Variants in TMEM132E observed in about 807,000 individuals in gnomAD.
TMEM132E encodes the protein transmembrane protein 132E.
TMEM132E carries 49 observed loss-of-function variants against 78.5 expected under a neutral mutation model. The observed-to-expected ratio is 0.62, with a 90% CI of 0.50 to 0.79. The LOEUF is 0.79. Among genes scored for constraint, TMEM132E ranks in the 30% least tolerant of loss-of-function variants. The pLI is 0.00. For synonymous variants in TMEM132E, 715 were observed against 670.6 expected, an observed-to-expected ratio of 1.07 and a Z score of -1.02; for missense variants, 1,403 against 1,470.9, an observed-to-expected ratio of 0.95 and a Z score of 0.75.
chr17:34,614,015 C>T (rs926353086), intron 1 of TMEM132E, among the ~76,000 whole-genome samples: 1 of 152,138 alleles, frequency 6.6e-6, no homozygotes, highest in African/African-American at 2.4e-5. Context: ...TGCCTTGTTC[C>T]CCCCTTCCCT....
intron 7 of TMEM132E, 112 bp downstream of exon 7, chr17:34,635,199 C>T: frequency 8.2e-7 from 1 of 1,212,950 alleles, no homozygotes; most frequent in South Asian, 1.6e-5. Context: ...ACACTCTTCC[C>T]TGCCTGCCCC....
chr17:34,629,968 G>A (rs1288977083), intron 4 of TMEM132E, 40 bp from the exon 5 acceptor site: 1 of 1,571,942 alleles, frequency 6.4e-7, no homozygotes, highest in Non-Finnish European at 8.7e-7. Context: ...CAGGACAGAA[G>A]GGGACCACAA....
chr17:34,593,505 G>C (rs1441947172), intron 1 of TMEM132E, among the ~76,000 whole-genome samples: 3 of 152,198 alleles, frequency 2.0e-5, no homozygotes, highest in Non-Finnish European at 2.9e-5. Context: ...TCTCCTATTG[G>C]AGGTATTTTC....
intron 6 of TMEM132E, 21 bp from the exon 7 acceptor site, chr17:34,634,778 C>T: frequency 1.3e-6 from 2 of 1,599,514 alleles, no homozygotes; most frequent in Non-Finnish European, 1.7e-6. Flanking sequence ...AAGCCTTCAG[C>T]ATGGCATGTC....
In TMEM132E at chr17:34,596,087, G is replaced by A. The variant is rs182548967; in HGVS notation, c.67+14944G>A. Among the ~76,000 whole-genome samples, 448 of 150,356 alleles carry A rather than the reference G, an allele frequency of 3.0e-3. 2 individuals are homozygous for A. Among genetic ancestry groups the A allele is most frequent in the Middle Eastern group, 0.014 (4 of 294 alleles). On this transcript the variant is annotated intron_variant, in intron 1 of 8. Coordinates refer to ENST00000631683, the MANE Select transcript of TMEM132E (RefSeq NM_001304438.2). Reference sequence around the variant, plus strand: ...ACACACGCACAACTTGCATTCCCCAGGCAACCAGTGCAGGCCTCTGATTCC... The same window carrying A: ...ACACACGCACAACTTGCATTCCCCAAGCAACCAGTGCAGGCCTCTGATTCC...
chr17:34,584,215 T>A lies in TMEM132E; in HGVS notation c.67+3072T>A, dbSNP rs1035806575. ...CAAAGATACTGGCCTCTCGCCATCCTCCGTGTGCCCTATGAGGTATTGCTT... is the reference window on the plus strand; with the variant it reads ...CAAAGATACTGGCCTCTCGCCATCCACCGTGTGCCCTATGAGGTATTGCTT... On this transcript the variant is annotated intron_variant, in intron 1 of 8. Transcript: ENST00000631683. Among the ~76,000 whole-genome samples, 4 of 152,252 alleles carry A rather than the reference T, an allele frequency of 2.6e-5. No homozygotes were observed. In the East Asian group the frequency reaches 5.8e-4, roughly 22 times the overall value.
Position 34,580,372 on chromosome 17 carries a change from T to G in TMEM132E, c.-705T>G, listed in dbSNP as rs1277484261. The G allele has an allele frequency of 2.0e-5, 3 of 152,326 alleles. No homozygotes were observed. The highest frequency in any genetic ancestry group is 2.9e-5 in the Non-Finnish European group (2 of 68,154). The allele number at this position is 152,326 out of a possible 1,614,324, so 9.4% of individuals were successfully genotyped here. A position where few individuals can be genotyped will look rare whatever the true frequency, so the allele number is the denominator to read the frequency against. ...CTGATCCAGACTGGAGAAAGCGCGCTGGAGCGGAGGAGCGAGCCTTGCGAG... is the reference window on the plus strand; with the variant it reads ...CTGATCCAGACTGGAGAAAGCGCGCGGGAGCGGAGGAGCGAGCCTTGCGAG... On this transcript the variant is annotated 5_prime_UTR_variant, in exon 1 of 9. Coordinates refer to ENST00000631683, the MANE Select transcript of TMEM132E (RefSeq NM_001304438.2).
intron 1 of TMEM132E, among the ~76,000 whole-genome samples, chr17:34,613,211 A>ACACACACACACATGCGCGCGCG: frequency 8.6e-6 from 1 of 115,856 alleles, no homozygotes; most frequent in Non-Finnish European, 1.8e-5. Flanking sequence ...ACACACACAC[A>ACACACACACACATGCGCGCGCG]CGCGCGCGCG....
At chr17:34,602,399 C>G (rs771520121) in intron 1 of TMEM132E, among the ~76,000 whole-genome samples, 5 of 152,352 alleles carry the variant, frequency 3.3e-5, no homozygotes, top group Non-Finnish European at 5.9e-5. Context: ...TTACCCATCT[C>G]TGGGATCCCA....
At chr17:34,589,765 G>A (rs866635228) in intron 1 of TMEM132E, among the ~76,000 whole-genome samples, 1 of 152,176 alleles carries the variant, frequency 6.6e-6, no homozygotes, top group Non-Finnish European at 1.5e-5. Context: ...GCCACCGCAT[G>A]ACGGCTGCAG....
chr17:34,624,699 G>C (rs182210911), intron 1 of TMEM132E, among the ~76,000 whole-genome samples: 11 of 152,252 alleles, frequency 7.2e-5, no homozygotes, highest in African/African-American at 2.4e-4. Context: ...AGTCCTAGGA[G>C]AAAAAGGATC....
chr17:34,597,500 G>A (rs1906099989), intron 1 of TMEM132E, among the ~76,000 whole-genome samples: 1 of 152,094 alleles, frequency 6.6e-6, no homozygotes, highest in South Asian at 2.1e-4. Context: ...CCTGAACACC[G>A]ACTGTGTGCC....
intron 1 of TMEM132E, 85 bp downstream of exon 1, chr17:34,581,228 C>A: frequency 8.0e-7 from 1 of 1,248,154 alleles, no homozygotes; most frequent in Non-Finnish European, 1.1e-6. Context: ...GAGGAGCACC[C>A]ACACCCCCTG....
intron 6 of TMEM132E, among the ~76,000 whole-genome samples, chr17:34,634,577 G>C (rs1907451817): frequency 6.6e-6 from 1 of 152,252 alleles, no homozygotes; most frequent in Non-Finnish European, 1.5e-5. Context: ...AAGAGGCAGA[G>C]AGGGACAGGA....
Position 34,635,511 on chromosome 17 carries a change from TC to T in TMEM132E, c.1977+425del, listed in dbSNP as rs527653543. Among the ~76,000 whole-genome samples, 546 of 152,340 alleles carry T rather than the reference TC, an allele frequency of 3.6e-3. 5 individuals are homozygous for T. Among genetic ancestry groups the T allele is most frequent in the African/African-American group, 0.013 (529 of 41,584 alleles). ...GGGCTAGAATCTGCCTGCAGACATA[TC>T]TTCTTTGTAAAACAATTGATCCAAT... On this transcript the variant is annotated intron_variant, in intron 7 of 8. Coordinates refer to ENST00000631683, the MANE Select transcript of TMEM132E (RefSeq NM_001304438.2).
intron 6 of TMEM132E, among the ~76,000 whole-genome samples, chr17:34,634,207 G>A (rs912373568): frequency 2.0e-5 from 3 of 152,212 alleles, no homozygotes; most frequent in Admixed American, 1.3e-4. Flanking sequence ...AACGTGCACA[G>A]GCTGAGAATT....
intron 4 of TMEM132E, 85 bp from the exon 5 acceptor site, chr17:34,629,923 A>C: frequency 7.8e-7 from 1 of 1,282,918 alleles, no homozygotes; most frequent in Non-Finnish European, 1.0e-6. Context: ...GTGGGGGGGG[A>C]GCGTCCAGGA....
At chr17:34,613,097 C>G (rs558804301) in intron 1 of TMEM132E, among the ~76,000 whole-genome samples, 249 of 151,644 alleles carry the variant, frequency 1.6e-3, no homozygotes, top group Non-Finnish European at 2.9e-3. Context: ...CCTCCCCTCC[C>G]AAAGCCCAGC....
intron 1 of TMEM132E, among the ~76,000 whole-genome samples, chr17:34,625,356 G>A (rs1273515365): frequency 6.6e-6 from 1 of 152,158 alleles, no homozygotes; most frequent in Non-Finnish European, 1.5e-5. Flanking sequence ...GCCAAAGGGA[G>A]AAGGGAGAGA....
Sources: gnomAD v4.1 joint callset for allele counts (sites outside exome capture counted in the v4.1 genomes callset) on GRCh38, gnomAD v4.1.1 for gene constraint, MANE v1.5 for transcripts, NCBI Gene and HGNC (gene_info 2026-07-23, HGNC 2026-07-21) for gene names.